The following TNIP2 variants were observed in gnomAD, a reference collection of about 807,000 sequenced individuals.
The protein encoded by TNIP2 is TNFAIP3 interacting protein 2.
Under a neutral mutation model 43.7 loss-of-function variants are expected in TNIP2, and 30 were observed. The ratio of observed to expected loss-of-function variants is 0.69; its 90% CI spans 0.51 to 0.93. The LOEUF (loss-of-function observed/expected upper bound fraction) is 0.93, where lower values mean the gene tolerates loss of function less well. Among genes scored for constraint, TNIP2 ranks in the 40% least tolerant of loss-of-function variants. TNIP2 has a pLI of 0.00. For missense variants in TNIP2, 599 were observed against 591.0 expected (o/e 1.01, Z -0.14); for synonymous variants, 260 against 254.6 (o/e 1.02, Z -0.20).
At chr4:2,742,919 T>A (rs912329736) in intron 5 of TNIP2, among the ~76,000 whole-genome samples, 8 of 152,124 alleles carry the variant, frequency 5.3e-5, no homozygotes, top group African/African-American at 1.9e-4. Context: ...ACTCTGCACC[T>A]CCTCTGTGGG....
intron 1 of TNIP2, among the ~76,000 whole-genome samples, chr4:2,753,928 A>C (rs1031386819): frequency 6.6e-6 from 1 of 152,220 alleles, no homozygotes; most frequent in Non-Finnish European, 1.5e-5. Flanking sequence ...ATTAAGTACA[A>C]CTGTATACAC....
Position 2,750,819 on chromosome 4 carries a change from G to A in TNIP2, c.277-2874C>T, listed in dbSNP as rs374502887. 2.0e-4 allele frequency among the ~76,000 whole-genome samples: 30 copies of A among 152,110 alleles called. 1 individual carries two copies. In the South Asian group the frequency reaches 6.0e-3, roughly 31 times the overall value. ...AATCTGATTTCGGAGCCTCCTTCCT[G>A]CGTTGGTCAAATGCTGACAGTAGGA... On this transcript the variant is annotated intron_variant, in intron 1 of 5. Transcript: ENST00000315423.
intron 5 of TNIP2, among the ~76,000 whole-genome samples, chr4:2,743,807 A>C (rs1721860605): frequency 6.6e-6 from 1 of 152,222 alleles, no homozygotes; most frequent in Admixed American, 6.5e-5. Flanking sequence ...ATTTTTGCAG[A>C]GCACAAGTCA....
chr4:2,743,730 C>A (rs566350281), intron 5 of TNIP2, among the ~76,000 whole-genome samples: 1 of 152,338 alleles, frequency 6.6e-6, no homozygotes, highest in Non-Finnish European at 1.5e-5. Context: ...TTGAGTGGGG[C>A]CCAGGCTATT....
chr4:2,742,497 G>GCC lies in TNIP2; in HGVS notation c.1048_1049dup (p.Arg351AlafsTer18). 1 of 1,596,942 alleles carries GCC rather than the reference G, an allele frequency of 6.3e-7. No individual in the cohort carries two copies. Among genetic ancestry groups the GCC allele is most frequent in the Non-Finnish European group, 8.6e-7 (1 of 1,168,728 alleles). On this transcript the variant is annotated frameshift_variant, in exon 6 of 6. Transcript: ENST00000315423. LOFTEE classifies it low-confidence loss of function (END_TRUNC). The stretch of plus-strand genomic sequence containing the variant: ...CAGTTTTGCTCCCAGCGTGAATCCG[G>GCC]CCGGCGTCTGGCTCTCGAGAATCCT...
chr4:2,751,867 A>G (rs1310854628), intron 1 of TNIP2, among the ~76,000 whole-genome samples: 1 of 151,932 alleles, frequency 6.6e-6, no homozygotes, highest in African/African-American at 2.4e-5. Flanking sequence ...GCACTTTGGG[A>G]GGCTGAGGTG....
chr4:2,742,562 C>T (rs3208469), intron 5 of TNIP2, 42 bp from the exon 6 acceptor site: 50 of 1,449,260 alleles, frequency 3.5e-5, no homozygotes, highest in Middle Eastern at 1.9e-4. Context: ...GCTGTGCTGA[C>T]GGTCACAAAG....
intron 1 of TNIP2, among the ~76,000 whole-genome samples, chr4:2,754,041 G>A (rs1392613527): frequency 6.6e-6 from 1 of 152,156 alleles, no homozygotes; most frequent in Non-Finnish European, 1.5e-5. Context: ...CTGCACTGTG[G>A]GACTACAGCG....
At chr4:2,755,956 C>A in intron 1 of TNIP2, 58 bp downstream of exon 1, 2 of 1,472,760 alleles carry the variant, frequency 1.4e-6, no homozygotes, top group Non-Finnish European at 1.8e-6. Flanking sequence ...CACCCAGGAC[C>A]CGGCGGCCGC....
rs754769342 is a variant in TNIP2, at chr4:2,747,870, C to T, written c.352G>A (p.Glu118Lys). 1.5e-5 allele frequency: 24 copies of T among 1,613,708 alleles called. No homozygotes were observed. Among genetic ancestry groups the T allele is most frequent in the Non-Finnish European group, 1.7e-5 (20 of 1,180,052 alleles). ...AGCAGGACGACTTCCTTCTCTCGCT[C>T]GTGTTGGGGCTGGCTCAGCAGCTGC... Reference protein sequence around the residue: ...MQQLLSQPQHEREKEVVLLRR... With the variant: ...MQQLLSQPQHKREKEVVLLRR... The change falls in exon 2 of 6, where the codon GAG becomes AAG. Residue 118 changes from glutamate (E) to lysine (K), a missense_variant. Coordinates refer to ENST00000315423, the MANE Select transcript of TNIP2 (RefSeq NM_024309.4).
chr4:2,747,277 C>G lies in TNIP2; in HGVS notation c.567+378G>C, dbSNP rs151105681. On this transcript the variant is annotated intron_variant, in intron 2 of 5. Coordinates refer to ENST00000315423, the MANE Select transcript of TNIP2 (RefSeq NM_024309.4). ...GCACTCCCCATCCCCAGCAGTACCA[C>G]CTGGCTCTGCTTCAGTTTCCTCGGA... 1.4e-3 allele frequency among the ~76,000 whole-genome samples: 207 copies of G among 152,356 alleles called. 1 individual carries two copies. Among genetic ancestry groups the G allele is most frequent in the Non-Finnish European group, 1.8e-3 (121 of 68,036 alleles).
Position 2,756,006 on chromosome 4 carries a change from C to G in TNIP2, c.276+8G>C. 1 of 1,546,118 alleles carries G rather than the reference C, an allele frequency of 6.5e-7. No individual in the cohort carries two copies. Among genetic ancestry groups the G allele is most frequent in the Non-Finnish European group, 8.6e-7 (1 of 1,157,768 alleles). On this transcript the variant is annotated splice_region_variant and intron_variant, in intron 1 of 5. Transcript: ENST00000315423. ...CTCCCGCAGCTCCTCTGGTACCCGC[C>G]CTCGTACCTGGCGCATCTGGGCCTC...
intron 2 of TNIP2, chr4:2,745,930 C>T: frequency 5.2e-6 from 1 of 194,166 alleles, no homozygotes; most frequent in South Asian, 1.1e-4. Context: ...TCACAGACAG[C>T]AGGGAAGGCA....
chr4:2,756,023 C>G lies in TNIP2; in HGVS notation c.267G>C (p.Gln89His). The change falls in exon 1 of 6, where the codon CAG (glutamine) becomes CAC (histidine). Residue 89 changes from glutamine (Q) to histidine (H), a missense_variant. Physicochemically the swap from Gln to His is conservative, Grantham distance 24. Transcript: ENST00000315423. ...RRQEGGAAEA[Q>H]MRQEIERLTE... ...GTACCCGCCCTCGTACCTGGCGCAT[C>G]TGGGCCTCGGCGGCGCCGCCCTCCT... is the stretch of plus-strand genomic sequence containing the variant. 1.3e-6 allele frequency: 2 copies of G among 1,549,802 alleles called. No homozygotes were observed. The highest frequency in any genetic ancestry group is 1.4e-5 in the African/African-American group (1 of 70,572).
intron 5 of TNIP2, among the ~76,000 whole-genome samples, chr4:2,742,838 C>G (rs1721832334): frequency 6.6e-6 from 1 of 152,202 alleles, no homozygotes; most frequent in East Asian, 1.9e-4. Flanking sequence ...GATGACGTGG[C>G]CCACAGGCCA....
chr4:2,746,121 G>C (rs947468090), intron 2 of TNIP2: 1 of 153,238 alleles, frequency 6.5e-6, no homozygotes, highest in African/African-American at 2.4e-5. Context: ...GCCCCACGCA[G>C]GGTCAGGAGT....
intron 1 of TNIP2, among the ~76,000 whole-genome samples, chr4:2,754,468 G>C (rs1722175982): frequency 6.6e-6 from 1 of 152,276 alleles, no homozygotes; most frequent in Non-Finnish European, 1.5e-5. Flanking sequence ...CCAGGCTGGA[G>C]TGCAGTGGCA....
Position 2,747,767 on chromosome 4 carries a change from T to G in TNIP2, c.455A>C (p.His152Pro). 2 of 1,611,512 alleles carry G rather than the reference T, an allele frequency of 1.2e-6. No homozygotes were observed. The highest frequency in any genetic ancestry group is 8.5e-7 in the Non-Finnish European group (1 of 1,180,022). ...GGCGGTCAGCGTCCTCCGCAGCTGATGGGTCTCGTTGGCCAAGGAGCGGCA... is the reference window on the plus strand; with the variant it reads ...GGCGGTCAGCGTCCTCCGCAGCTGAGGGGTCTCGTTGGCCAAGGAGCGGCA... ...VLCRSLANET[H>P]QLRRTLTATA... Residue 152 changes from histidine to proline, a missense_variant, in exon 2 of 6, where the codon CAT (histidine) becomes CCT (proline). His to Pro is a moderately conservative substitution (Grantham distance 77). Coordinates refer to ENST00000315423, the MANE Select transcript of TNIP2 (RefSeq NM_024309.4).
In TNIP2 at chr4:2,744,469, G is replaced by A; in HGVS notation, c.944C>T (p.Ala315Val). 6.2e-7 allele frequency: 1 copy of A among 1,614,106 alleles called. No individual in the cohort carries two copies. Among genetic ancestry groups the A allele is most frequent in the Non-Finnish European group, 8.5e-7 (1 of 1,179,980 alleles). ...AYKDDFMSER[A>V]DRERAQSRIQ... ...CCTACTTTGAGCCCGTTCCCGATCG[G>A]CCCTTTCTGACATGAAGTCATCCTT... The change falls in exon 5 of 6, where the codon GCC becomes GTC. Residue 315 changes from alanine to valine, a missense_variant. Transcript: ENST00000315423. The surrounding 1 kb of genome is among the most constrained non-coding windows in gnomAD (Gnocchi z 5.1).
Sources: allele counts gnomAD v4.1 joint callset (sites outside exome capture counted in the v4.1 genomes callset), GRCh38; gene constraint gnomAD v4.1.1; non-coding constraint Gnocchi (gnomAD v3.1); transcripts MANE v1.5; gene names NCBI Gene and HGNC (gene_info 2026-07-23, HGNC 2026-07-21).